CFAP52: variants seen among roughly 807,000 people sequenced by gnomAD.
CFAP52 encodes the protein cilia and flagella associated protein 52.
A neutral mutation model predicts 70.5 loss-of-function variants in CFAP52; 57 were observed. The ratio of observed to expected loss-of-function variants is 0.81; its 90% CI spans 0.65 to 1.01. The LOEUF is 1.01. Among genes scored for constraint, CFAP52 ranks in the 50% least tolerant of loss-of-function variants. CFAP52 has a pLI of 0.00. For synonymous variants in CFAP52, 267 were observed against 292.5 expected (o/e 0.91, Z 0.89); for missense variants, 785 against 788.5 (o/e 1.00, Z 0.05).
chr17:9,587,345 T>G (rs1908543436), intron 3 of CFAP52, among the ~76,000 whole-genome samples: 2 of 152,254 alleles, frequency 1.3e-5, no homozygotes. Context: ...CATATGTGTC[T>G]TTATGGTAGA....
chr17:9,595,082 G>C (rs979399307), intron 4 of CFAP52, among the ~76,000 whole-genome samples: 4 of 151,948 alleles, frequency 2.6e-5, no homozygotes, highest in African/African-American at 9.7e-5. Flanking sequence ...ATAGAGACAG[G>C]GTTTCACCAC....
In CFAP52 at chr17:9,632,981, T is replaced by A; in HGVS notation, c.1268T>A (p.Ile423Asn). Residue 423 changes from isoleucine (I) to asparagine (N), a missense_variant, in exon 10 of 14, where the codon ATC becomes AAC. By Grantham distance (149) the Ile-to-Asn change is moderately radical (BLOSUM62 -3). Transcript: ENST00000352665. ...NNAHRIGVTA[I>N]ATTSDCKRVI... Reference sequence around the variant, plus strand: ...GCTCACAGGATCGGCGTCACCGCCATCGCCACCACCAGTGACTGTAAAAGG... The same window carrying A: ...GCTCACAGGATCGGCGTCACCGCCAACGCCACCACCAGTGACTGTAAAAGG... 1 of 1,614,216 alleles carries A rather than the reference T, an allele frequency of 6.2e-7. No individual in the cohort carries two copies. Among genetic ancestry groups the A allele is most frequent in the South Asian group, 1.1e-5 (1 of 91,078 alleles).
In CFAP52 at chr17:9,628,788, A is replaced by G. The variant is rs1434134405; in HGVS notation, c.1142A>G (p.Asp381Gly). 1 of 1,614,010 alleles carries G rather than the reference A, an allele frequency of 6.2e-7. No homozygotes were observed. Among genetic ancestry groups the G allele is most frequent in the Non-Finnish European group, 8.5e-7 (1 of 1,180,012 alleles). ...TVPNMTCHGI[D>G]FMRDGKSIIS... is the part of the protein sequence containing the mutation. ...CCCAACATGACCTGCCACGGCATCG[A>G]CTTCATGAGGGACGGCAAAAGCATC... is the stretch of plus-strand genomic sequence containing the variant. Residue 381 changes from aspartate to glycine, a missense_variant, in exon 9 of 14, where the codon GAC (aspartate) becomes GGC (glycine). Coordinates refer to ENST00000352665, the MANE Select transcript of CFAP52 (RefSeq NM_145054.5).
intron 3 of CFAP52, among the ~76,000 whole-genome samples, chr17:9,587,441 C>A (rs995955705): frequency 3.3e-5 from 5 of 152,172 alleles, no homozygotes; most frequent in African/African-American, 1.2e-4. Flanking sequence ...TGAGGAATCA[C>A]CACCCTGCTT....
In CFAP52 at chr17:9,596,075, A is replaced by G. The variant is rs1010424998; in HGVS notation, c.536+1754A>G. ...TATGTGTGTGTATATATATATATAT[A>G]TATATATATATATATATATATATAT... On this transcript the variant is annotated intron_variant, in intron 4 of 13. Transcript: ENST00000352665. Among the ~76,000 whole-genome samples the G allele has an allele frequency of 9.2e-4, 124 of 135,282 alleles. 1 individual carries two copies. Among genetic ancestry groups the G allele is most frequent in the Admixed American group, 3.0e-3 (40 of 13,350 alleles). The allele number at this position is 135,282 out of a possible 152,430, so 88.8% of individuals were successfully genotyped here.
chr17:9,635,647 G>C, intron 11 of CFAP52, 91 bp downstream of exon 11: 1 of 1,528,254 alleles, frequency 6.5e-7, no homozygotes, highest in Non-Finnish European at 8.9e-7. Context: ...TTCACATGGA[G>C]GGTAGAAATC....
intron 9 of CFAP52, among the ~76,000 whole-genome samples, chr17:9,631,052 G>GAGAAAGAAAGAAAGAAAGAAAGAA (rs1555544295): frequency 0.024 from 900 of 37,844 alleles, 38 homozygotes; most frequent in Non-Finnish European, 0.028. Context: ...GAGAGAGAGA[G>GAGAAAGAAAGAAAGAAAGAAAGAA]AGAAAGAAAG....
chr17:9,626,605 G>C (rs989871898), intron 8 of CFAP52, among the ~76,000 whole-genome samples: 1 of 152,132 alleles, frequency 6.6e-6, no homozygotes, highest in Non-Finnish European at 1.5e-5. Context: ...CTCTTTAAGA[G>C]CTTACTTCCC....
chr17:9,606,829 A>G (rs1432242168), intron 6 of CFAP52, among the ~76,000 whole-genome samples: 1 of 152,044 alleles, frequency 6.6e-6, no homozygotes, highest in African/African-American at 2.4e-5. Context: ...GGCACTTAGG[A>G]AGTTAGGGGT....
downstream of CFAP52, chr17:9,645,397 C>T (rs553997331): frequency 2.6e-4 from 71 of 273,902 alleles, 1 homozygote; most frequent in African/African-American, 1.5e-3. The surrounding 1 kb of genome is among the most constrained non-coding windows in gnomAD (Gnocchi z 6.8). Context: ...GCAGCGGGGG[C>T]GGCACCAGGC....
At position 9,600,171 on chromosome 17, in the gene CFAP52, C is replaced by A. The variant is rs74899014; in HGVS notation, c.741C>A (p.Asp247Glu). 22 of 1,613,810 alleles carry A rather than the reference C, an allele frequency of 1.4e-5. No homozygotes were observed. In the African/African-American group the frequency reaches 1.9e-4, roughly 14 times the overall value. ...TGACAGATGTTGGGCCTGCGAAGGA[C>A]AAATTCAGTTTGGTGAGTAGAGACC... ...KLLTDVGPAK[D>E]KFSLGVSAIR... Residue 247 changes from aspartate to glutamate, a missense_variant, in exon 6 of 14, where the codon GAC (aspartate) becomes GAA (glutamate). Coordinates refer to ENST00000352665, the MANE Select transcript of CFAP52 (RefSeq NM_145054.5).
At chr17:9,631,040 G>A (rs62064128) in intron 9 of CFAP52, among the ~76,000 whole-genome samples, 1,479 of 37,350 alleles carry the variant, frequency 0.04, 96 homozygotes, top group African/African-American at 0.13. Context: ...GAGAGAGAGA[G>A]AGAGAGAGAG....
intron 7 of CFAP52, 81 bp from the exon 8 acceptor site, chr17:9,612,228 T>C (rs1909740470): frequency 6.6e-7 from 1 of 1,515,296 alleles, no homozygotes. Context: ...GCCTGATTTG[T>C]ATCCTCTGCC....
At chr17:9,645,532 G>A, downstream of CFAP52, 9 of 1,075,042 alleles carry the variant, frequency 8.4e-6, no homozygotes, top group Non-Finnish European at 1.0e-5. The surrounding 1 kb of genome is among the most constrained non-coding windows in gnomAD (Gnocchi z 6.8). Context: ...TGGCCCGCAG[G>A]TAGCCGGCAC....
chr17:9,607,336 A>C (rs1909528918), intron 6 of CFAP52, among the ~76,000 whole-genome samples: 1 of 152,176 alleles, frequency 6.6e-6, no homozygotes, highest in Non-Finnish European at 1.5e-5. Flanking sequence ...ACAGAGAGAG[A>C]CTCTGCCTCA....
intron 9 of CFAP52, among the ~76,000 whole-genome samples, chr17:9,630,135 C>T (rs1039198512): frequency 1.3e-5 from 2 of 151,870 alleles, no homozygotes; most frequent in African/African-American, 2.4e-5. Context: ...TCATTATCTT[C>T]CCCCTTATCC....
At chr17:9,639,842 C>T (rs558975037) in intron 12 of CFAP52, among the ~76,000 whole-genome samples, 3 of 152,248 alleles carry the variant, frequency 2.0e-5, no homozygotes, top group South Asian at 4.2e-4. Context: ...TGGCAGAGGA[C>T]ACTCCAGTAA....
rs147486114 is a variant in CFAP52 at position 9,588,370 on chromosome 17, G to A, written c.407+1536G>A. 4.4e-3 allele frequency among the ~76,000 whole-genome samples: 666 copies of A among 152,242 alleles called. 1 individual carries two copies. Among genetic ancestry groups the A allele is most frequent in the South Asian group, 6.9e-3 (33 of 4,816 alleles). On this transcript the variant is annotated intron_variant, in intron 3 of 13. Coordinates refer to ENST00000352665, the MANE Select transcript of CFAP52 (RefSeq NM_145054.5). ...AGCCAGGACACAGCTCAGCCCGCTC[G>A]TGCCCAGAGAGACAAAGAGTTAAGT...
At chr17:9,601,551 CTA>C (rs931914401) in intron 6 of CFAP52, among the ~76,000 whole-genome samples, 7 of 152,132 alleles carry the variant, frequency 4.6e-5, no homozygotes, top group Non-Finnish European at 7.3e-5. Flanking sequence ...ATCTATAAAA[CTA>C]TATATATAAT....
Sources: allele counts gnomAD v4.1 joint callset (sites outside exome capture counted in the v4.1 genomes callset), GRCh38; gene constraint gnomAD v4.1.1; non-coding constraint Gnocchi (gnomAD v3.1); transcripts MANE v1.5; gene names NCBI Gene and HGNC (gene_info 2026-07-23, HGNC 2026-07-21).